FRMPD3: variants seen among roughly 807,000 people sequenced by gnomAD.
FRMPD3 encodes FERM and PDZ domain containing 3.
FRMPD3 carries 42 observed loss-of-function variants against 97.9 expected under a neutral mutation model. The observed-to-expected ratio is 0.43, with a 90% CI of 0.34 to 0.55. The LOEUF (loss-of-function observed/expected upper bound fraction) is 0.55, where lower values mean the gene tolerates loss of function less well. Ranked by LOEUF, FRMPD3 falls within the 20% of genes least tolerant of loss-of-function variation. The pLI, the probability that FRMPD3 is intolerant of heterozygous loss-of-function variation, is 0.03. For missense variants in FRMPD3, 1,303 were observed against 1,457.7 expected, an observed-to-expected ratio of 0.89 and a Z score of 1.73; for synonymous variants, 577 against 581.1, an observed-to-expected ratio of 0.99 and a Z score of 0.10.
At chrX:107,473,250 G>A (rs1416160538) in intron 1 of FRMPD3, among the ~76,000 whole-genome samples, 1 of 111,960 alleles carries the variant, frequency 8.9e-6, no homozygotes, top group Admixed American at 9.4e-5. Context: ...TCTACGGAAA[G>A]TATTTGATTG....
At chrX:107,595,799 G>C (rs377395449) in intron 13 of FRMPD3, among the ~76,000 whole-genome samples, 3 of 109,712 alleles carry the variant, frequency 2.7e-5, no homozygotes, top group African/African-American at 1.0e-4. Flanking sequence ...TTAGTCGGGC[G>C]TGGTGGCAGG....
chrX:107,520,105 G>A (rs760302465), intron 1 of FRMPD3, among the ~76,000 whole-genome samples: 1 of 111,111 alleles, frequency 9.0e-6, no homozygotes, highest in Non-Finnish European at 1.9e-5. Flanking sequence ...ACTTCTTTCT[G>A]GTGGTGACTG....
At position 107,490,811 on chromosome X, in the gene FRMPD3, G is replaced by A. The variant is rs184046206; in HGVS notation, c.-7-35771G>A. On this transcript the variant is annotated intron_variant, in intron 1 of 14. Coordinates refer to ENST00000683843, the MANE Select transcript of FRMPD3 (RefSeq NM_001388459.1). ...TGTGGTATGTACATAAGCCTTTCATGGGCCTGTCCATGATTTTCAAATTGG... is the reference window on the plus strand; with the variant it reads ...TGTGGTATGTACATAAGCCTTTCATAGGCCTGTCCATGATTTTCAAATTGG... 5.4e-5 allele frequency among the ~76,000 whole-genome samples: 6 copies of A among 111,766 alleles called. No individual in the cohort carries two copies. In the East Asian group the frequency reaches 1.7e-3, roughly 31 times the overall value.
At chrX:107,491,181 A>G (rs989857627) in intron 1 of FRMPD3, among the ~76,000 whole-genome samples, 2 of 112,152 alleles carry the variant, frequency 1.8e-5, no homozygotes, top group Non-Finnish European at 3.8e-5. Flanking sequence ...CTTATCATCA[A>G]TAACAGCAAC....
At chrX:107,490,142 G>A (rs1468680662) in intron 1 of FRMPD3, among the ~76,000 whole-genome samples, 19 of 111,980 alleles carry the variant, frequency 1.7e-4, no homozygotes, top group South Asian at 3.8e-4. Flanking sequence ...AAGATCAGAT[G>A]GTTGTAGATA....
intron 5 of FRMPD3, among the ~76,000 whole-genome samples, chrX:107,549,835 A>G (rs983831541): frequency 9.0e-6 from 1 of 110,839 alleles, no homozygotes; most frequent in Non-Finnish European, 1.9e-5. Context: ...TGTCAAATGG[A>G]GGCGGGCTTT....
intron 1 of FRMPD3, among the ~76,000 whole-genome samples, chrX:107,452,852 A>G (rs1469232604): frequency 9.4e-6 from 1 of 106,918 alleles, no homozygotes; most frequent in Non-Finnish European, 1.9e-5. Flanking sequence ...AAAAAGTGCA[A>G]CAAGAAAGCC....
chrX:107,548,008 T>A (rs59567007), intron 5 of FRMPD3, among the ~76,000 whole-genome samples: 15,372 of 110,427 alleles, frequency 0.14, 2,547 homozygotes, highest in African/African-American at 0.47. Flanking sequence ...CCACCTTGTT[T>A]CCACAGCCAA....
chrX:107,454,091 C>T (rs1467080644), intron 1 of FRMPD3, among the ~76,000 whole-genome samples: 1 of 111,845 alleles, frequency 8.9e-6, no homozygotes, highest in Non-Finnish European at 1.9e-5. Context: ...ATTCACTTTG[C>T]CATTAGCCAC....
intron 1 of FRMPD3, among the ~76,000 whole-genome samples, chrX:107,494,791 A>C (rs1448239005): frequency 8.9e-6 from 1 of 111,928 alleles, no homozygotes; most frequent in African/African-American, 3.2e-5. Context: ...TGGAAACTGG[A>C]AGCAAGCCCA....
intron 6 of FRMPD3, among the ~76,000 whole-genome samples, 195 bp downstream of exon 6, chrX:107,550,351 C>T (rs749318411): frequency 3.0e-4 from 34 of 111,934 alleles, no homozygotes; most frequent in Non-Finnish European, 4.5e-4. Flanking sequence ...AGTTTGCATG[C>T]CCAACTGTGT....
At chrX:107,579,260 G>T (rs1219280816) in intron 13 of FRMPD3, among the ~76,000 whole-genome samples, 3 of 111,911 alleles carry the variant, frequency 2.7e-5, no homozygotes, top group Admixed American at 9.5e-5. Flanking sequence ...CCAACTCAGG[G>T]CTCAGCCTAT....
intron 1 of FRMPD3, among the ~76,000 whole-genome samples, chrX:107,500,310 A>G (rs1376191920): frequency 9.0e-6 from 1 of 111,647 alleles, no homozygotes; most frequent in Non-Finnish European, 1.9e-5. Context: ...GGATTTTTCA[A>G]GAGAAGACAA....
At position 107,601,161 on chromosome X, in the gene FRMPD3, G is replaced by C; in HGVS notation, c.3122G>C (p.Arg1041Pro). The C allele has an allele frequency of 8.3e-7, 1 of 1,210,511 alleles. No individual in the cohort carries two copies. Among genetic ancestry groups the C allele is most frequent in the Non-Finnish European group, 1.1e-6 (1 of 895,163 alleles). Residue 1041 changes from arginine (R) to proline (P), a missense_variant, in exon 15 of 15, where the codon CGG becomes CCG. Coordinates refer to ENST00000683843, the MANE Select transcript of FRMPD3 (RefSeq NM_001388459.1). Reference sequence around the variant, plus strand: ...AGCCCCAGAGCACCCACAGGCAGCCGGGCTGACAGCCTGCACCTCTCCCAA... The same window carrying C: ...AGCCCCAGAGCACCCACAGGCAGCCCGGCTGACAGCCTGCACCTCTCCCAA... ...SSSPRAPTGS[R>P]ADSLHLSQQE...
intron 1 of FRMPD3, among the ~76,000 whole-genome samples, chrX:107,470,978 G>A (rs925023504): frequency 8.9e-6 from 1 of 112,345 alleles, no homozygotes; most frequent in Non-Finnish European, 1.9e-5. Context: ...GTTGTGTAGA[G>A]TATCACCTGC....
At position 107,602,540 on chromosome X, in the gene FRMPD3, C is replaced by T. The variant is rs777281912; in HGVS notation, c.4501C>T (p.Arg1501Cys). The T allele has an allele frequency of 5.0e-5, 60 of 1,210,611 alleles. No individual in the cohort carries two copies. Among genetic ancestry groups the T allele is most frequent in the Non-Finnish European group, 6.3e-5 (56 of 895,354 alleles). ...CCSIRYCFYY[R>C]KCDMADDASD... The stretch of plus-strand genomic sequence containing the variant: ...CTCCATCCGCTACTGCTTCTACTAC[C>T]GCAAGTGTGACATGGCAGATGATGC... Residue 1501 changes from arginine (R) to cysteine (C), a missense_variant, in exon 15 of 15, where the codon CGC (arginine) becomes TGC (cysteine). Around this residue, in one of 3 missense-constraint regions of FRMPD3, gnomAD observed 764 missense variants for 820.2 expected, o/e 0.93. Transcript: ENST00000683843.
intron 1 of FRMPD3, among the ~76,000 whole-genome samples, chrX:107,506,411 C>T (rs1367873078): frequency 8.9e-6 from 1 of 112,527 alleles, no homozygotes; most frequent in Admixed American, 9.3e-5. Flanking sequence ...ACAGGTAGCC[C>T]GGAATTTGAG....
chrX:107,558,914 A>G (rs1922224469), intron 8 of FRMPD3, among the ~76,000 whole-genome samples: 1 of 110,274 alleles, frequency 9.1e-6, no homozygotes, highest in East Asian at 2.8e-4. Flanking sequence ...CAAACTCCTG[A>G]CCTCAAGTGA....
Position 107,566,074 on chromosome X carries a change from G to A in FRMPD3, c.1296+1008G>A, listed in dbSNP as rs1026722314. ...TTCATTCCCATAGATCAACTCCTTC[G>A]GACTGGCAAGCAGCTGTCGCCTGTG... On this transcript the variant is annotated intron_variant, in intron 12 of 14. Transcript: ENST00000683843. Among the ~76,000 whole-genome samples, 4 of 112,508 alleles carry A rather than the reference G, an allele frequency of 3.6e-5. No individual in the cohort carries two copies. The East Asian group carries it at 8.4e-4, about 24-fold the overall frequency.
Sources: gnomAD v4.1 joint callset for allele counts (sites outside exome capture counted in the v4.1 genomes callset) on GRCh38, gnomAD v4.1.1 for gene constraint, gnomAD v4.1.1 regional missense constraint, MANE v1.5 for transcripts, NCBI Gene and HGNC (gene_info 2026-07-23, HGNC 2026-07-21) for gene names.